SLC60A1: variants seen among roughly 807,000 people sequenced by gnomAD.
SLC60A1 encodes the protein major facilitator superfamily domain containing 4.
the SLC60A1 span, among the ~76,000 whole-genome samples, chr1:205,597,322 G>GAAA: frequency 6.8e-3 from 997 of 147,518 alleles, 6 homozygotes; most frequent in Non-Finnish European, 0.012. Context: ...ATCCAAAGTA[G>GAAA]TCCTTTCTGC....
chr1:205,578,545 G>T, the SLC60A1 span, among the ~76,000 whole-genome samples: 1 of 152,144 alleles, frequency 6.6e-6, no homozygotes, highest in Non-Finnish European at 1.5e-5. Context: ...AGAAAGTAAC[G>T]AACTGCTCTA....
At chr1:205,585,096 C>A in the SLC60A1 span, 2 of 934,620 alleles carry the variant, frequency 2.1e-6, no homozygotes, top group Non-Finnish European at 3.4e-6. The surrounding 1 kb of genome is among the most constrained non-coding windows in gnomAD (Gnocchi z 4.2). Flanking sequence ...TTCCTGGAGA[C>A]TTCTCCTGGA....
the SLC60A1 span, among the ~76,000 whole-genome samples, chr1:205,593,349 T>C: frequency 7.3e-6 from 1 of 137,238 alleles, no homozygotes; most frequent in East Asian, 2.2e-4. Flanking sequence ...CAGGCACCTG[T>C]AGTCCCAGCT....
the SLC60A1 span, among the ~76,000 whole-genome samples, chr1:205,597,373 G>GTTTTTTTTTGTTTTTTTTT: frequency 2.7e-5 from 1 of 37,228 alleles, no homozygotes; most frequent in African/African-American, 6.6e-5. Flanking sequence ...AACCTAGGTT[G>GTTTTTTTTTGTTTTTTTTT]TTTTTTTTTT....
chr1:205,597,862 C>T, the SLC60A1 span: 2 of 1,613,564 alleles, frequency 1.2e-6, no homozygotes, highest in South Asian at 2.2e-5. Context: ...TATGTGGGGA[C>T]CTGTAAGGGA....
At chr1:205,583,953 A>T in the SLC60A1 span, 1 of 1,612,474 alleles carries the variant, frequency 6.2e-7, no homozygotes, top group Non-Finnish European at 8.5e-7. Context: ...CCTGCTCCCC[A>T]GCTTCCAGTG....
At chr1:205,600,600 G>C in the SLC60A1 span, 8 of 755,644 alleles carry the variant, frequency 1.1e-5, no homozygotes, top group East Asian at 2.2e-4. Flanking sequence ...TGGTTGGGTA[G>C]AGGAAATTAA....
the SLC60A1 span, among the ~76,000 whole-genome samples, chr1:205,576,007 G>A: frequency 6.6e-6 from 1 of 152,198 alleles, no homozygotes; most frequent in Non-Finnish European, 1.5e-5. Context: ...CCCTATCTGG[G>A]CCTCAGTTTC....
chr1:205,569,047 C>T, the SLC60A1 span: 1 of 1,418,290 alleles, frequency 7.1e-7, no homozygotes, highest in Non-Finnish European at 9.3e-7. Flanking sequence ...GGGACCAGAT[C>T]CGCGAGCCCG....
chr1:205,571,425 T>C, the SLC60A1 span, among the ~76,000 whole-genome samples: 1 of 152,240 alleles, frequency 6.6e-6, no homozygotes, highest in Non-Finnish European at 1.5e-5. Context: ...TGGGTATTCC[T>C]GAGCTCTGAC....
chr1:205,574,512 A>G, the SLC60A1 span, among the ~76,000 whole-genome samples: 1 of 152,150 alleles, frequency 6.6e-6, no homozygotes, highest in South Asian at 2.1e-4. Context: ...ATACCTCTTG[A>G]GCCGGATCCT....
chr1:205,590,107 G>A, the SLC60A1 span, among the ~76,000 whole-genome samples: 1 of 152,192 alleles, frequency 6.6e-6, no homozygotes, highest in South Asian at 2.1e-4. Flanking sequence ...TCCAGGGACT[G>A]ACTATATCCA....
chr1:205,597,696 T>C, the SLC60A1 span: 2 of 1,453,530 alleles, frequency 1.4e-6, no homozygotes, highest in Non-Finnish European at 1.9e-6. Context: ...TATGCCACTG[T>C]GCCTGGCCAG....
the SLC60A1 span, among the ~76,000 whole-genome samples, chr1:205,588,344 C>T: frequency 2.6e-5 from 4 of 151,970 alleles, no homozygotes; most frequent in South Asian, 8.3e-4. Flanking sequence ...GTGGCGCCTG[C>T]CTGTAATCCC....
At chr1:205,590,752 G>C in the SLC60A1 span, among the ~76,000 whole-genome samples, 3 of 152,194 alleles carry the variant, frequency 2.0e-5, no homozygotes, top group African/African-American at 7.2e-5. Flanking sequence ...TAAAGAAACA[G>C]ATGTCTTCAT....
the SLC60A1 span, among the ~76,000 whole-genome samples, chr1:205,583,587 C>T: frequency 3.9e-5 from 6 of 152,366 alleles, no homozygotes; most frequent in East Asian, 1.2e-3. Flanking sequence ...AAAAGCAAAG[C>T]TGCTTTGTAA....
At chr1:205,595,114 T>C in the SLC60A1 span, 1 of 152,186 alleles carries the variant, frequency 6.6e-6, no homozygotes, top group Non-Finnish European at 1.5e-5. Flanking sequence ...TGTCCAAGGA[T>C]GACATGCAAA....
the SLC60A1 span, chr1:205,580,002 C>T: frequency 6.5e-7 from 1 of 1,547,518 alleles, no homozygotes; most frequent in African/African-American, 1.4e-5. This position sits in a 1 kb window ranked among gnomAD's most constrained non-coding sequence, Gnocchi z 5.0. Context: ...CATGGGAGCT[C>T]CCTAGGCCCC....
At chr1:205,594,798 A>G in the SLC60A1 span, among the ~76,000 whole-genome samples, 1 of 152,084 alleles carries the variant, frequency 6.6e-6, no homozygotes, top group Non-Finnish European at 1.5e-5. Context: ...GGTTTTTCCA[A>G]GTTCTAATCA....
Sources: gnomAD v4.1 joint callset for allele counts (sites outside exome capture counted in the v4.1 genomes callset) on GRCh38, gnomAD v4.1.1 for gene constraint, Gnocchi (gnomAD v3.1) non-coding constraint, MANE v1.5 for transcripts, NCBI Gene and HGNC (gene_info 2026-07-23, HGNC 2026-07-21) for gene names.